RORA: variants seen among roughly 807,000 people sequenced by gnomAD.
RORA encodes RAR related orphan receptor A.
Under a neutral mutation model 69.5 loss-of-function variants are expected in RORA, and 7 were observed. The ratio of observed to expected loss-of-function variants is 0.10; its 90% CI spans 0.06 to 0.19. The LOEUF is 0.19. Among genes scored for constraint, RORA ranks in the 10% least tolerant of loss-of-function variants. The probability of loss-of-function intolerance (pLI) is 1.00; values close to 1 mark genes in which losing one functional copy is unlikely to be tolerated. For synonymous variants in RORA, 261 were observed against 240.8 expected (o/e 1.08, Z -0.78); for missense variants, 457 against 663.0 (o/e 0.69, Z 3.41).
chr15:60,820,226 A>G lies in RORA; in HGVS notation c.167-141540T>C, dbSNP rs1039292741. Among the ~76,000 whole-genome samples the G allele has an allele frequency of 1.2e-4, 19 of 152,340 alleles. No homozygotes were observed. The East Asian group carries it at 1.5e-3, about 12-fold the overall frequency. ...GAATTTACAGGGTTTCTCTTTGTTCAGCACAGGTTCTAGCACGTGTTTTGA... is the reference window on the plus strand; with the variant it reads ...GAATTTACAGGGTTTCTCTTTGTTCGGCACAGGTTCTAGCACGTGTTTTGA... On this transcript the variant is annotated intron_variant, in intron 1 of 10. Coordinates refer to ENST00000335670, the MANE Select transcript of RORA (RefSeq NM_134261.3).
intron 1 of RORA, among the ~76,000 whole-genome samples, chr15:60,988,714 G>T (rs1369739188): frequency 2.6e-5 from 4 of 151,996 alleles, no homozygotes; most frequent in African/African-American, 9.7e-5. Flanking sequence ...ATGTTTAAAG[G>T]CCACCTGAAA....
intron 1 of RORA, among the ~76,000 whole-genome samples, chr15:60,972,604 C>T (rs1057114859): frequency 1.3e-5 from 2 of 152,112 alleles, no homozygotes; most frequent in African/African-American, 4.8e-5. Context: ...TCCAAAATTT[C>T]TCTAGTCTTT....
At position 60,697,514 on chromosome 15, in the gene RORA, C is replaced by T. The variant is rs547104286; in HGVS notation, c.167-18828G>A. 2.0e-4 allele frequency among the ~76,000 whole-genome samples: 30 copies of T among 152,038 alleles called. 2 individuals carry two copies. In the Middle Eastern group the frequency reaches 0.031, roughly 155 times the overall value. On this transcript the variant is annotated intron_variant, in intron 1 of 10. Transcript: ENST00000335670. ...AAACCTCATTGAACCATCTATTCTT[C>T]TTGCTTTAACCTGCAGAGTCATCTA... is the stretch of plus-strand genomic sequence containing the variant.
intron 1 of RORA, among the ~76,000 whole-genome samples, chr15:61,012,627 C>A (rs929875288): frequency 1.3e-5 from 2 of 151,362 alleles, no homozygotes; most frequent in African/African-American, 4.8e-5. Flanking sequence ...AAGTGCCTGG[C>A]AAACATTGTT....
At chr15:60,946,478 C>G (rs1009135381) in intron 1 of RORA, among the ~76,000 whole-genome samples, 2 of 152,226 alleles carry the variant, frequency 1.3e-5, no homozygotes, top group East Asian at 1.9e-4. Flanking sequence ...CTTTGTTGGC[C>G]GGGCTGGTCT....
chr15:61,055,129 G>A (rs1284133112), intron 1 of RORA, among the ~76,000 whole-genome samples: 1 of 152,164 alleles, frequency 6.6e-6, no homozygotes, highest in Non-Finnish European at 1.5e-5. Flanking sequence ...GAGCCACCGT[G>A]CCCGGCCTAA....
At chr15:61,035,420 C>T (rs1205928967) in intron 1 of RORA, among the ~76,000 whole-genome samples, 4 of 152,026 alleles carry the variant, frequency 2.6e-5, no homozygotes, top group East Asian at 1.9e-4. Context: ...AAGAACTAAG[C>T]GGCAGCAAAA....
chr15:61,149,021 T>A (rs1335412535), intron 1 of RORA, among the ~76,000 whole-genome samples: 1 of 152,238 alleles, frequency 6.6e-6, no homozygotes, highest in Non-Finnish European at 1.5e-5. Context: ...GTCTTCTTGA[T>A]GATGCCTTCT....
intron 1 of RORA, among the ~76,000 whole-genome samples, chr15:61,074,757 A>G (rs1163406069): frequency 6.6e-6 from 1 of 152,158 alleles, no homozygotes; most frequent in African/African-American, 2.4e-5. Context: ...TGTGGACTGC[A>G]ACTAACTCAC....
intron 1 of RORA, among the ~76,000 whole-genome samples, chr15:60,808,291 GC>G (rs2072686505): frequency 6.6e-6 from 1 of 152,030 alleles, no homozygotes; most frequent in South Asian, 2.1e-4. Context: ...TACACAAATG[GC>G]CAACAAGCAT....
At chr15:60,844,345 T>C (rs1221486786) in intron 1 of RORA, among the ~76,000 whole-genome samples, 1 of 152,174 alleles carries the variant, frequency 6.6e-6, no homozygotes, top group Non-Finnish European at 1.5e-5. Flanking sequence ...TACACAGAAA[T>C]GCATCTACTT....
chr15:60,701,489 C>T (rs1329188391), intron 1 of RORA, among the ~76,000 whole-genome samples: 2 of 152,130 alleles, frequency 1.3e-5, no homozygotes, highest in African/African-American at 4.8e-5. Flanking sequence ...ATTTAGTGTC[C>T]GGTGAACAAA....
chr15:60,874,155 A>G (rs2073588761), intron 1 of RORA, among the ~76,000 whole-genome samples: 1 of 152,198 alleles, frequency 6.6e-6, no homozygotes, highest in African/African-American at 2.4e-5. Context: ...TGCTACATAA[A>G]ATTTATACAT....
intron 1 of RORA, chr15:61,182,988 G>A (rs2079702139): frequency 1.3e-5 from 2 of 152,276 alleles, no homozygotes; most frequent in African/African-American, 4.8e-5. Context: ...ATCATCACAG[G>A]CTGGGGGAGA....
intron 2 of RORA, among the ~76,000 whole-genome samples, chr15:60,591,235 G>C (rs557113117): frequency 1.3e-5 from 2 of 152,178 alleles, no homozygotes; most frequent in Admixed American, 6.5e-5. Flanking sequence ...CCTGGCGGCC[G>C]GGCCTGCGAA....
Position 60,624,294 on chromosome 15 carries a change from T to A in RORA, c.196+54363A>T, listed in dbSNP as rs149978794. Among the ~76,000 whole-genome samples, 1,207 of 151,266 alleles carry A rather than the reference T, an allele frequency of 8.0e-3. 14 individuals carry two copies. Among genetic ancestry groups the A allele is most frequent in the African/African-American group, 0.027 (1,123 of 41,102 alleles). On this transcript the variant is annotated intron_variant, in intron 2 of 10. Transcript: ENST00000335670. The stretch of plus-strand genomic sequence containing the variant: ...TCTTTTCCTGGACCACTGGAAGCAA[T>A]GTTTGGTCATAGTTATATATTTTAT...
At chr15:60,741,196 A>G (rs1488689299) in intron 1 of RORA, among the ~76,000 whole-genome samples, 1 of 152,208 alleles carries the variant, frequency 6.6e-6, no homozygotes, top group African/African-American at 2.4e-5. Context: ...CAGTGAACCA[A>G]TGACTCAAAT....
intron 1 of RORA, among the ~76,000 whole-genome samples, chr15:61,173,645 G>A (rs1204414196): frequency 6.6e-6 from 1 of 152,162 alleles, no homozygotes; most frequent in Admixed American, 6.5e-5. Flanking sequence ...AATACGGAAT[G>A]ACATTCAAGC....
intron 1 of RORA, among the ~76,000 whole-genome samples, chr15:61,194,465 A>AGGCAGGAGAAT (rs938550214): frequency 6.6e-6 from 1 of 151,430 alleles, no homozygotes; most frequent in African/African-American, 2.4e-5. Context: ...CGGGAGGCTG[A>AGGCAGGAGAAT]GGCAGGAGAA....
Sources: allele counts gnomAD v4.1 joint callset (sites outside exome capture counted in the v4.1 genomes callset), GRCh38; gene constraint gnomAD v4.1.1; transcripts MANE v1.5; gene names NCBI Gene and HGNC (gene_info 2026-07-23, HGNC 2026-07-21).